The following DCLK3 variants were observed in gnomAD, a reference collection of about 807,000 sequenced individuals.
DCLK3 encodes the protein doublecortin like kinase 3.
DCLK3 carries 30 observed loss-of-function variants against 46.4 expected under a neutral mutation model. The observed-to-expected ratio is 0.65, with a 90% CI of 0.48 to 0.88. The LOEUF (loss-of-function observed/expected upper bound fraction) is 0.88, where lower values mean the gene tolerates loss of function less well. Ranked by LOEUF, DCLK3 falls within the 40% of genes least tolerant of loss-of-function variation. DCLK3 has a pLI of 0.00. For synonymous variants in DCLK3, 401 were observed against 339.2 expected, an observed-to-expected ratio of 1.18 and a Z score of -2.00; for missense variants, 846 against 907.1, an observed-to-expected ratio of 0.93 and a Z score of 0.87.
At chr3:36,723,438 C>A (rs999756790) in intron 2 of DCLK3, among the ~76,000 whole-genome samples, 1 of 152,146 alleles carries the variant, frequency 6.6e-6, no homozygotes, top group African/African-American at 2.4e-5. Context: ...AAATGTTAAT[C>A]CCCAAGACAA....
At chr3:36,718,889 T>G (rs1268671986) in intron 3 of DCLK3, among the ~76,000 whole-genome samples, 3 of 152,206 alleles carry the variant, frequency 2.0e-5, no homozygotes, top group Non-Finnish European at 2.9e-5. Flanking sequence ...AATAAAATGT[T>G]TATTTACTTT....
chr3:36,747,333 G>A (rs1701402261), intron 1 of DCLK3, among the ~76,000 whole-genome samples: 1 of 151,902 alleles, frequency 6.6e-6, no homozygotes, highest in African/African-American at 2.4e-5. Context: ...ATCCCAAAAA[G>A]GTAGTCAGAC....
chr3:36,729,325 G>T (rs1366739287), intron 2 of DCLK3, among the ~76,000 whole-genome samples: 6 of 149,018 alleles, frequency 4.0e-5, no homozygotes, highest in African/African-American at 1.5e-4. Flanking sequence ...TATCTCTTTT[G>T]CAGCCTAGCT....
Position 36,758,731 on chromosome 3 carries a change from T to A in DCLK3, c.82+5451A>T, listed in dbSNP as rs141374679. Among the ~76,000 whole-genome samples, 7 of 152,340 alleles carry A rather than the reference T, an allele frequency of 4.6e-5. No individual in the cohort carries two copies. In the East Asian group the frequency reaches 1.2e-3, roughly 25 times the overall value. On this transcript the variant is annotated intron_variant, in intron 1 of 4. Transcript: ENST00000636136. ...GGCAGCACAAACAGACTGAGACAGTTGGCATCAAGAAACATTATTTTAATT... is the reference window on the plus strand; with the variant it reads ...GGCAGCACAAACAGACTGAGACAGTAGGCATCAAGAAACATTATTTTAATT...
At chr3:36,755,684 A>G (rs771312745) in intron 1 of DCLK3, among the ~76,000 whole-genome samples, 4 of 151,460 alleles carry the variant, frequency 2.6e-5, no homozygotes, top group African/African-American at 4.8e-5. Context: ...CTTATGGACC[A>G]GTGTAGGATG....
At chr3:36,755,821 A>T (rs1372301094) in intron 1 of DCLK3, among the ~76,000 whole-genome samples, 1 of 151,934 alleles carries the variant, frequency 6.6e-6, no homozygotes, top group Non-Finnish European at 1.5e-5. Flanking sequence ...ACAATAAAAG[A>T]CTCTTGCTTG....
chr3:36,763,449 A>T (rs545476305), intron 1 of DCLK3, among the ~76,000 whole-genome samples: 3 of 152,346 alleles, frequency 2.0e-5, no homozygotes, highest in African/African-American at 7.2e-5. Context: ...AGGAGTGTAA[A>T]TGTGATCCTA....
chr3:36,747,022 T>A (rs192692851), intron 1 of DCLK3, among the ~76,000 whole-genome samples: 3 of 152,294 alleles, frequency 2.0e-5, no homozygotes, highest in Admixed American at 1.3e-4. Context: ...TGCCTATAAG[T>A]AGTTATTTTC....
chr3:36,760,545 G>A (rs1234270527), intron 1 of DCLK3, among the ~76,000 whole-genome samples: 1 of 152,000 alleles, frequency 6.6e-6, no homozygotes, highest in African/African-American at 2.4e-5. Context: ...GTTAATGGGT[G>A]CAGCACACCA....
intron 1 of DCLK3, among the ~76,000 whole-genome samples, chr3:36,758,795 G>A (rs962181993): frequency 1.3e-5 from 2 of 152,220 alleles, no homozygotes; most frequent in Non-Finnish European, 2.9e-5. Flanking sequence ...CAGGTTTAGT[G>A]TATAGAAAGG....
intron 1 of DCLK3, among the ~76,000 whole-genome samples, chr3:36,750,362 A>C (rs1575146227): frequency 6.6e-6 from 1 of 152,346 alleles, no homozygotes; most frequent in East Asian, 1.9e-4. Flanking sequence ...GATTACAGGC[A>C]TGAGCCACCA....
chr3:36,718,177 C>T lies in DCLK3; in HGVS notation c.2093G>A (p.Gly698Asp). ...YVAPEILSEKGYGLEVDMWAA... is the reference protein window; with the variant it reads ...YVAPEILSEKDYGLEVDMWAA... ...CCACATGTCCACCTCCAGTCCATAA[C>T]CTGCGCAGACAGAGGCAGAGACACA... is the stretch of plus-strand genomic sequence containing the variant. The change falls in exon 4 of 5, where the codon GGT becomes GAT. Residue 698 changes from glycine to aspartate, a missense_variant and splice_region_variant. Gly to Asp is a moderately conservative substitution (Grantham distance 94, BLOSUM62 -1). This residue lies in a region of DCLK3 where 247 missense variants were observed against 322.8 expected (regional missense o/e 0.77). Coordinates refer to ENST00000636136, the MANE Select transcript of DCLK3 (RefSeq NM_001394672.2). The T allele has an allele frequency of 1.2e-6, 2 of 1,613,872 alleles. No individual in the cohort carries two copies. The highest frequency in any genetic ancestry group is 1.7e-6 in the Non-Finnish European group (2 of 1,180,000).
At chr3:36,725,629 G>A (rs1193812223) in intron 2 of DCLK3, among the ~76,000 whole-genome samples, 4 of 152,092 alleles carry the variant, frequency 2.6e-5, no homozygotes, top group African/African-American at 9.7e-5. Context: ...AATAAAAGAG[G>A]GGAGAATGGG....
In DCLK3 at chr3:36,738,956, G is replaced by T; in HGVS notation, c.211C>A (p.Pro71Thr). The change falls in exon 2 of 5, where the codon CCC (proline) becomes ACC (threonine). Residue 71 changes from proline to threonine, a missense_variant. Coordinates refer to ENST00000636136, the MANE Select transcript of DCLK3 (RefSeq NM_001394672.2). ...LEKPFLGPRG[P>T]VVPLFCPRNG... ...CGAGGGCAGAACAAGGGCACGACGG[G>T]GCCACGCGGCCCCAGGAATGGTTTC... 2.5e-6 allele frequency: 1 copy of T among 400,708 alleles called. No individual in the cohort carries two copies. The highest frequency in any genetic ancestry group is 4.4e-6 in the Non-Finnish European group (1 of 227,534). 24.8% of individuals were successfully genotyped at this position (400,708 alleles called of 1,614,324 possible).
At chr3:36,719,346 A>G (rs1047656067) in intron 3 of DCLK3, among the ~76,000 whole-genome samples, 1 of 152,228 alleles carries the variant, frequency 6.6e-6, no homozygotes, top group Non-Finnish European at 1.5e-5. Flanking sequence ...TTAGATATTC[A>G]TAATTAAGCC....
chr3:36,734,459 T>C (rs1008980984), intron 2 of DCLK3, among the ~76,000 whole-genome samples: 1 of 152,172 alleles, frequency 6.6e-6, no homozygotes, highest in Non-Finnish European at 1.5e-5. Context: ...GGCTCAAATA[T>C]GCAGCTTTCT....
rs1261308326 is a variant in DCLK3 at position 36,764,011 on chromosome 3, T to A, written c.82+171A>T. 1.3e-5 allele frequency among the ~76,000 whole-genome samples: 2 copies of A among 151,920 alleles called. No homozygotes were observed. ...GCGTTTACACACACGTACACACACATACACACGTACACACACATACACACA... is the reference window on the plus strand; with the variant it reads ...GCGTTTACACACACGTACACACACAAACACACGTACACACACATACACACA... On this transcript the variant is annotated intron_variant, in intron 1 of 4. Coordinates refer to ENST00000636136, the MANE Select transcript of DCLK3 (RefSeq NM_001394672.2). This position sits in a 1 kb window ranked among gnomAD's most constrained non-coding sequence, Gnocchi z 4.9.
chr3:36,754,258 A>G (rs1257916853), intron 1 of DCLK3, among the ~76,000 whole-genome samples: 8 of 152,236 alleles, frequency 5.3e-5, no homozygotes, highest in Non-Finnish European at 1.2e-4. Context: ...GGAGATCTAC[A>G]ATCCTTGGAC....
In DCLK3 at chr3:36,738,579, T is replaced by G; in HGVS notation, c.588A>C (p.Thr196=). 1 of 1,426,052 alleles carries G rather than the reference T, an allele frequency of 7.0e-7. No individual in the cohort carries two copies. The highest frequency in any genetic ancestry group is 9.2e-7 in the Non-Finnish European group (1 of 1,087,976). 88.3% of individuals were successfully genotyped at this position (1,426,052 alleles called of 1,614,324 possible). A position where few individuals can be genotyped will look rare whatever the true frequency, so the allele number is the denominator to read the frequency against. ...AAGGGGCACGGCTGTGCTGGGCCAG[T>G]GTCAGGGCCCGGGCTTTGTTGGGGT... ...ELYPNKARAL[T]LAQHSRAPSP... The change falls in exon 2 of 5, where the codon ACA becomes ACC. Residue 196 remains threonine, a synonymous_variant. Transcript: ENST00000636136.
Sources: allele counts gnomAD v4.1 joint callset (sites outside exome capture counted in the v4.1 genomes callset), GRCh38; gene constraint gnomAD v4.1.1; regional missense constraint gnomAD v4.1.1; non-coding constraint Gnocchi (gnomAD v3.1); transcripts MANE v1.5; gene names NCBI Gene and HGNC (gene_info 2026-07-23, HGNC 2026-07-21).